Variants in CCDC3 observed in about 807,000 individuals in gnomAD.
The protein encoded by CCDC3 is coiled-coil domain-containing protein 3.
In CCDC3, 24 loss-of-function variants were observed where a neutral mutation model predicts 21.4. The ratio of observed to expected loss-of-function variants is 1.12; its 90% CI spans 0.81 to 1.58. The LOEUF (loss-of-function observed/expected upper bound fraction) is 1.58. Ranked by LOEUF, CCDC3 falls within the 40% of genes most tolerant of loss-of-function variation. The pLI is 0.00. For missense variants in CCDC3, 425 were observed against 360.9 expected (o/e 1.18, Z -1.44); for synonymous variants, 186 against 166.0 (o/e 1.12, Z -0.93).
chr10:12,901,313 G>T (rs1834088525), intron 2 of CCDC3, among the ~76,000 whole-genome samples: 1 of 152,058 alleles, frequency 6.6e-6, no homozygotes. Flanking sequence ...TGTGTCGCCA[G>T]GCTGGAGTGC....
chr10:13,027,732 A>C (rs906420176), intron 5 of CCDC3, among the ~76,000 whole-genome samples: 3 of 148,544 alleles, frequency 2.0e-5, no homozygotes, highest in Non-Finnish European at 4.5e-5. Flanking sequence ...AAAAAAAAAA[A>C]CAAAAAAAAA....
chr10:12,961,125 C>T (rs558738869), intron 2 of CCDC3, among the ~76,000 whole-genome samples: 52 of 152,310 alleles, frequency 3.4e-4, no homozygotes, highest in African/African-American at 9.1e-4. Flanking sequence ...TGCAGTGCTG[C>T]GTGAGCACCG....
At chr10:13,048,310 G>A (rs541768340) in intron 5 of CCDC3, among the ~76,000 whole-genome samples, 2 of 152,136 alleles carry the variant, frequency 1.3e-5, no homozygotes, top group South Asian at 4.1e-4. Context: ...TCCTGCCTCA[G>A]CCTCCCTAGT....
intron 5 of CCDC3, among the ~76,000 whole-genome samples, chr10:13,032,751 A>C (rs927891195): frequency 2.4e-4 from 36 of 152,214 alleles, no homozygotes; most frequent in Non-Finnish European, 4.4e-4. Context: ...ATTGCTTCAA[A>C]CAGAATAAAA....
chr10:13,089,501 G>A (rs1241993193), intron 3 of CCDC3, among the ~76,000 whole-genome samples: 1 of 151,890 alleles, frequency 6.6e-6, no homozygotes, highest in Non-Finnish European at 1.5e-5. Flanking sequence ...CACCTTCAAT[G>A]CCCTCTCCTT....
At chr10:13,072,339 A>T (rs945656404) in intron 4 of CCDC3, among the ~76,000 whole-genome samples, 2 of 151,696 alleles carry the variant, frequency 1.3e-5, no homozygotes, top group Non-Finnish European at 2.9e-5. Context: ...AAAGCAGTTA[A>T]TTTTGGTCAT....
At chr10:13,016,950 G>A (rs1245215327) in intron 5 of CCDC3, among the ~76,000 whole-genome samples, 4 of 151,994 alleles carry the variant, frequency 2.6e-5, no homozygotes, top group Non-Finnish European at 4.4e-5. Context: ...GTTGGGAGAG[G>A]ACAGAAACAA....
chr10:13,038,450 A>G (rs1272138818), intron 5 of CCDC3, among the ~76,000 whole-genome samples: 3 of 151,894 alleles, frequency 2.0e-5, no homozygotes, highest in Admixed American at 2.0e-4. Flanking sequence ...AGAGCAGCCT[A>G]GGGCTGTGTA....
chr10:12,958,759 G>T (rs1196645527), intron 2 of CCDC3, among the ~76,000 whole-genome samples: 1 of 152,136 alleles, frequency 6.6e-6, no homozygotes, highest in African/African-American at 2.4e-5. Context: ...GCTGACATCA[G>T]CCTCATCCTC....
At chr10:12,992,342 T>C (rs1265553605) in intron 2 of CCDC3, among the ~76,000 whole-genome samples, 1 of 152,068 alleles carries the variant, frequency 6.6e-6, no homozygotes, top group African/African-American at 2.4e-5. Context: ...TGAGCTGAGA[T>C]TGCGCCACTG....
At chr10:13,093,698 T>C (rs1469954435) in intron 3 of CCDC3, among the ~76,000 whole-genome samples, 1 of 152,182 alleles carries the variant, frequency 6.6e-6, no homozygotes, top group Admixed American at 6.5e-5. Context: ...GGTAGCCTGA[T>C]ACCCAGGTCT....
At chr10:12,920,643 A>G (rs75152080) in intron 2 of CCDC3, among the ~76,000 whole-genome samples, 7,291 of 152,338 alleles carry the variant, frequency 0.048, 217 homozygotes, top group Non-Finnish European at 0.071. Context: ...TAAAAACTTT[A>G]AAATGTTACT....
At chr10:13,030,248 A>T (rs1319853289) in intron 5 of CCDC3, among the ~76,000 whole-genome samples, 1 of 152,210 alleles carries the variant, frequency 6.6e-6, no homozygotes. Flanking sequence ...ACTAAGCTTC[A>T]TAAGTGAAGG....
chr10:12,936,726 C>G (rs1230331979), intron 2 of CCDC3, among the ~76,000 whole-genome samples: 1 of 152,192 alleles, frequency 6.6e-6, no homozygotes, highest in Non-Finnish European at 1.5e-5. Context: ...TAGGCAGATG[C>G]TGAGGCCCCC....
intron 2 of CCDC3, among the ~76,000 whole-genome samples, chr10:12,898,915 C>T (rs181968793): frequency 6.6e-6 from 1 of 152,282 alleles, no homozygotes; most frequent in African/African-American, 2.4e-5. Flanking sequence ...TACTTGGCTT[C>T]CTTGGAAGAT....
At chr10:12,927,237 A>G (rs1370743008) in intron 2 of CCDC3, among the ~76,000 whole-genome samples, 1 of 152,192 alleles carries the variant, frequency 6.6e-6, no homozygotes, top group African/African-American at 2.4e-5. Context: ...CATTTCATCT[A>G]TCTGCTGGCC....
chr10:13,061,768 G>C (rs533568775), intron 4 of CCDC3, among the ~76,000 whole-genome samples: 158 of 152,260 alleles, frequency 1.0e-3, no homozygotes, highest in Non-Finnish European at 1.8e-3. Context: ...GAAATATTCA[G>C]GTTCAGATAA....
Position 12,929,261 on chromosome 10 carries a change from CA to C in CCDC3, c.550-30583del, listed in dbSNP as rs10609537. Among the ~76,000 whole-genome samples the C allele has an allele frequency of 4.4e-3, 459 of 104,542 alleles. 6 individuals are homozygous for C. Among genetic ancestry groups the C allele is most frequent in the East Asian group, 4.2e-3 (15 of 3,564 alleles). 68.6% of individuals were successfully genotyped at this position (104,542 alleles called of 152,430 possible). Reference sequence around the variant, plus strand: ...TGGGTGACAAAGTGAGATTCCATCTCAAAAAAAAAAAAAAAAAAAAAGAACA... The same window carrying C: ...TGGGTGACAAAGTGAGATTCCATCTCAAAAAAAAAAAAAAAAAAAAGAACA... On this transcript the variant is annotated intron_variant, in intron 2 of 2. Coordinates refer to ENST00000378825, the MANE Select transcript of CCDC3 (RefSeq NM_031455.4).
chr10:13,046,947 T>TAA (rs57820167), intron 5 of CCDC3, among the ~76,000 whole-genome samples: 21 of 135,650 alleles, frequency 1.5e-4, no homozygotes, highest in Admixed American at 3.0e-4. Context: ...ATTCACTTTC[T>TAA]AAAAAAAAAA....
Sources: allele counts gnomAD v4.1 joint callset (sites outside exome capture counted in the v4.1 genomes callset), GRCh38; gene constraint gnomAD v4.1.1; transcripts MANE v1.5; gene names NCBI Gene and HGNC (gene_info 2026-07-23, HGNC 2026-07-21).